The following VPS16 variants were observed in gnomAD, a reference collection of about 807,000 sequenced individuals.
VPS16 encodes vacuolar protein sorting-associated protein 16 homolog.
In VPS16, 82 loss-of-function variants were observed where a neutral mutation model predicts 116.0. The ratio of observed to expected loss-of-function variants is 0.71; its 90% CI spans 0.59 to 0.85. VPS16 has a LOEUF of 0.85. Ranked by LOEUF, VPS16 falls within the 40% of genes least tolerant of loss-of-function variation. The pLI is 0.00. For synonymous variants in VPS16, 406 were observed against 420.7 expected (o/e 0.96, Z 0.43); for missense variants, 928 against 1,090.6 (o/e 0.85, Z 2.10).
intron 1 of VPS16, among the ~76,000 whole-genome samples, chr20:2,857,385 T>C (rs1408257726): frequency 2.0e-5 from 3 of 152,396 alleles, no homozygotes; most frequent in East Asian, 1.9e-4. Context: ...TTTTGGATAT[T>C]GCTCCATGTT....
At chr20:2,859,251 T>G (rs779287190) in intron 1 of VPS16, among the ~76,000 whole-genome samples, 10 of 152,142 alleles carry the variant, frequency 6.6e-5, no homozygotes, top group Non-Finnish European at 1.5e-4. Flanking sequence ...ACTGTGACAC[T>G]GCACCTCAGC....
intron 1 of VPS16, among the ~76,000 whole-genome samples, chr20:2,849,699 C>A (rs1285017388): frequency 2.0e-5 from 3 of 152,142 alleles, no homozygotes; most frequent in Non-Finnish European, 4.4e-5. Flanking sequence ...AGATCACTTT[C>A]TCTTTGTAAA....
intron 1 of VPS16, among the ~76,000 whole-genome samples, chr20:2,854,451 A>C (rs897201930): frequency 2.0e-5 from 3 of 151,722 alleles, no homozygotes; most frequent in Admixed American, 2.0e-4. Flanking sequence ...ACAAAACAAA[A>C]CAAAAAAAAC....
chr20:2,862,338 C>T, intron 11 of VPS16: 1 of 987,364 alleles, frequency 1.0e-6, no homozygotes, highest in Non-Finnish European at 1.5e-6. Context: ...CCCACTATCC[C>T]CACCCAGTCT....
rs730819 is a variant in VPS16, at chr20:2,864,484, G to A, written c.1818+22G>A. ...ACAGGTGTGTGTAGTGGGCAGGGTTGTGGTGTAGCCTTCTGAGCACTTGAG... is the reference window on the plus strand; with the variant it reads ...ACAGGTGTGTGTAGTGGGCAGGGTTATGGTGTAGCCTTCTGAGCACTTGAG... On this transcript the variant is annotated intron_variant, in intron 18 of 23. Transcript: ENST00000380445. The surrounding 1 kb of genome is among the most constrained non-coding windows in gnomAD (Gnocchi z 5.2). The A allele has an allele frequency of 0.4, 653,368 of 1,613,802 alleles. 136,202 individuals carry two copies. The highest frequency in any genetic ancestry group is 0.63 in the East Asian group (28,244 of 44,860).
At chr20:2,845,146 A>T (rs933923088) in intron 1 of VPS16, among the ~76,000 whole-genome samples, 8 of 151,900 alleles carry the variant, frequency 5.3e-5, no homozygotes, top group African/African-American at 1.7e-4. Context: ...AACAGGAAAA[A>T]GTTGAGGATG....
intron 1 of VPS16, among the ~76,000 whole-genome samples, chr20:2,856,648 A>G (rs1164663886): frequency 1.3e-5 from 2 of 152,216 alleles, no homozygotes; most frequent in African/African-American, 4.8e-5. Flanking sequence ...ATTTTTCTGT[A>G]TATTAACACA....
intron 1 of VPS16, among the ~76,000 whole-genome samples, chr20:2,853,178 G>T (rs1398935687): frequency 6.6e-6 from 1 of 152,118 alleles, no homozygotes; most frequent in Non-Finnish European, 1.5e-5. Flanking sequence ...AGCACTTGAG[G>T]CCAGGAGTTC....
In VPS16 at chr20:2,864,869, T is replaced by TGACCCTGGC; in HGVS notation, c.1927-100_1927-92dup. On this transcript the variant is annotated intron_variant, in intron 19 of 23. Coordinates refer to ENST00000380445, the MANE Select transcript of VPS16 (RefSeq NM_022575.4). This position sits in a 1 kb window ranked among gnomAD's most constrained non-coding sequence, Gnocchi z 5.2. ...GAGTGGTGCACCTAGCAGGCAAGGC[T>TGACCCTGGC]GACCCTGGCGACCCTGGGCACAGGG... is the stretch of plus-strand genomic sequence containing the variant. 3 of 1,473,060 alleles carry TGACCCTGGC rather than the reference T, an allele frequency of 2.0e-6. No individual in the cohort carries two copies. Among genetic ancestry groups the TGACCCTGGC allele is most frequent in the Non-Finnish European group, 2.8e-6 (3 of 1,062,366 alleles). 91.2% of individuals were successfully genotyped at this position (1,473,060 alleles called of 1,614,324 possible).
In VPS16 at chr20:2,860,371, G is replaced by A. The variant is rs775280066; in HGVS notation, c.369+4G>A. 1.9e-6 allele frequency: 3 copies of A among 1,614,100 alleles called. No homozygotes were observed. The highest frequency in any genetic ancestry group is 2.7e-5 in the African/African-American group (2 of 75,006). On this transcript the variant is annotated splice_donor_region_variant and intron_variant, in intron 4 of 23. Coordinates refer to ENST00000380445, the MANE Select transcript of VPS16 (RefSeq NM_022575.4). This position sits in a 1 kb window ranked among gnomAD's most constrained non-coding sequence, Gnocchi z 6.1. ...GAGACACTTCAGCATGGGCAATGTAGGGGTCACAGAGGGCTGGGGACGCGG... is the reference window on the plus strand; with the variant it reads ...GAGACACTTCAGCATGGGCAATGTAAGGGTCACAGAGGGCTGGGGACGCGG...
rs1475625827 is a variant in VPS16, at chr20:2,864,140, C to T, written c.1612-39C>T. The T allele has an allele frequency of 6.2e-6, 10 of 1,613,800 alleles. No homozygotes were observed. Among genetic ancestry groups the T allele is most frequent in the Non-Finnish European group, 8.5e-6 (10 of 1,179,794 alleles). ...GATGTGGTTGTTCAGGGCCCCCATGCCAGCTCCTTCTCTCTGTGCCTTCCT... is the reference window on the plus strand; with the variant it reads ...GATGTGGTTGTTCAGGGCCCCCATGTCAGCTCCTTCTCTCTGTGCCTTCCT... On this transcript the variant is annotated intron_variant, in intron 16 of 23. Transcript: ENST00000380445. This position sits in a 1 kb window ranked among gnomAD's most constrained non-coding sequence, Gnocchi z 5.2.
At chr20:2,841,307 T>C (rs900156816) in intron 1 of VPS16, 3 of 179,578 alleles carry the variant, frequency 1.7e-5, no homozygotes, top group Non-Finnish European at 3.6e-5. Context: ...CCCATGGGAG[T>C]TGTAGAGTCC....
chr20:2,863,287 C>T lies in VPS16; in HGVS notation c.1368-3C>T. On this transcript the variant is annotated splice_region_variant and splice_polypyrimidine_tract_variant and intron_variant, in intron 14 of 23. Coordinates refer to ENST00000380445, the MANE Select transcript of VPS16 (RefSeq NM_022575.4). This position sits in a 1 kb window ranked among gnomAD's most constrained non-coding sequence, Gnocchi z 4.4. ...TGTATCCTTTACCCACCGGGTCTAC[C>T]AGGCTCGTGTTGCGGAGACTTTACC... The T allele has an allele frequency of 1.2e-6, 2 of 1,614,170 alleles. No homozygotes were observed. The highest frequency in any genetic ancestry group is 1.3e-5 in the African/African-American group (1 of 75,036).
intron 11 of VPS16, 111 bp downstream of exon 11, chr20:2,862,241 A>G (rs1184715559): frequency 5.3e-6 from 7 of 1,320,120 alleles, no homozygotes; most frequent in Non-Finnish European, 7.3e-6. Flanking sequence ...CAGGCAGGAC[A>G]CTGGTCTGGG....
intron 1 of VPS16, among the ~76,000 whole-genome samples, chr20:2,858,196 G>A (rs1460100502): frequency 6.6e-6 from 1 of 151,772 alleles, no homozygotes; most frequent in African/African-American, 2.4e-5. Flanking sequence ...CCAGGTTCAA[G>A]CGATCCTCCT....
chr20:2,862,330 C>T, intron 11 of VPS16, 200 bp downstream of exon 11: 1 of 970,250 alleles, frequency 1.0e-6, no homozygotes, highest in Non-Finnish European at 1.5e-6. Context: ...AGAGCATCCC[C>T]ACTATCCCCA....
chr20:2,851,746 G>C (rs895836296), intron 1 of VPS16, among the ~76,000 whole-genome samples: 1 of 151,972 alleles, frequency 6.6e-6, no homozygotes, highest in African/African-American at 2.4e-5. Context: ...GAGGCAGGCA[G>C]ATCACAAGGT....
chr20:2,854,054 C>G (rs1255097514), intron 1 of VPS16, among the ~76,000 whole-genome samples: 1 of 152,108 alleles, frequency 6.6e-6, no homozygotes, highest in African/African-American at 2.4e-5. Context: ...CCTTTCCAGG[C>G]TTTCAGTTTT....
chr20:2,856,767 C>G (rs899239845), intron 1 of VPS16, among the ~76,000 whole-genome samples: 17 of 152,250 alleles, frequency 1.1e-4, no homozygotes, highest in Admixed American at 3.9e-4. Context: ...ATTATTTGCT[C>G]AATTCTGAGA....
Sources: allele counts gnomAD v4.1 joint callset (sites outside exome capture counted in the v4.1 genomes callset), GRCh38; gene constraint gnomAD v4.1.1; non-coding constraint Gnocchi (gnomAD v3.1); transcripts MANE v1.5; gene names NCBI Gene and HGNC (gene_info 2026-07-23, HGNC 2026-07-21).